The following SNTG1 variants were observed in gnomAD, a reference collection of about 807,000 sequenced individuals.
SNTG1 encodes syntrophin gamma 1, also known as gamma-1-syntrophin.
A neutral mutation model predicts 74.7 loss-of-function variants in SNTG1; 39 were observed. That is an observed-to-expected ratio of 0.52 (90% CI 0.40 to 0.68). The LOEUF (loss-of-function observed/expected upper bound fraction) is 0.68, where lower values mean the gene tolerates loss of function less well. Ranked by LOEUF, SNTG1 falls within the 30% of genes least tolerant of loss-of-function variation. The pLI, the probability that SNTG1 is intolerant of heterozygous loss-of-function variation, is 0.00. For missense variants in SNTG1, 685 were observed against 609.5 expected, an observed-to-expected ratio of 1.12 and a Z score of -1.30; for synonymous variants, 254 against 217.1, an observed-to-expected ratio of 1.17 and a Z score of -1.49.
intron 1 of SNTG1, among the ~76,000 whole-genome samples, chr8:50,128,191 G>C (rs1034207217): frequency 7.9e-5 from 12 of 152,110 alleles, no homozygotes; most frequent in African/African-American, 2.9e-4. Flanking sequence ...CTTATCCCAA[G>C]ATCGGTACTT....
chr8:50,577,034 T>C (rs1005461776), intron 12 of SNTG1, among the ~76,000 whole-genome samples: 3 of 152,198 alleles, frequency 2.0e-5, no homozygotes, highest in African/African-American at 7.2e-5. Flanking sequence ...TTGTTCCTGA[T>C]CACATAGGAA....
chr8:50,525,149 T>A (rs2094209964), intron 9 of SNTG1, among the ~76,000 whole-genome samples: 1 of 152,138 alleles, frequency 6.6e-6, no homozygotes. Context: ...CTGGGTATGG[T>A]ATTCTAGATT....
intron 1 of SNTG1, among the ~76,000 whole-genome samples, chr8:50,021,247 A>C (rs558580742): frequency 6.6e-6 from 1 of 152,152 alleles, no homozygotes; most frequent in Non-Finnish European, 1.5e-5. Context: ...ATCTTCCAAC[A>C]TGACTTCCTC....
At chr8:50,753,567 T>C (rs370651024) in intron 18 of SNTG1, among the ~76,000 whole-genome samples, 3 of 152,076 alleles carry the variant, frequency 2.0e-5, no homozygotes, top group East Asian at 3.9e-4. Flanking sequence ...TAATGGCTAC[T>C]AACTATGGTA....
intron 13 of SNTG1, among the ~76,000 whole-genome samples, chr8:50,639,128 A>T (rs1460318577): frequency 6.6e-6 from 1 of 152,038 alleles, no homozygotes; most frequent in Non-Finnish European, 1.5e-5. Context: ...AGTAAAAACT[A>T]AGAATAAAAT....
chr8:50,272,940 C>T (rs1011680), intron 2 of SNTG1, among the ~76,000 whole-genome samples: 95,829 of 150,748 alleles, frequency 0.64, 34,180 homozygotes, highest in East Asian at 0.88. Flanking sequence ...GACAGAGTCT[C>T]GCTATATTAC....
chr8:50,031,797 C>G (rs566917150), intron 1 of SNTG1, among the ~76,000 whole-genome samples: 5 of 151,972 alleles, frequency 3.3e-5, no homozygotes, highest in African/African-American at 1.2e-4. Context: ...TATGTACTTT[C>G]TTCGGTTTTG....
At chr8:50,147,423 G>T (rs1435480251) in intron 1 of SNTG1, among the ~76,000 whole-genome samples, 2 of 152,156 alleles carry the variant, frequency 1.3e-5, no homozygotes. Context: ...TAGAATTAAA[G>T]AATTAATCAC....
At position 50,404,945 on chromosome 8, in the gene SNTG1, G is replaced by A. The variant is rs562124360; in HGVS notation, c.162+2601G>A. 3.9e-5 allele frequency among the ~76,000 whole-genome samples: 6 copies of A among 152,130 alleles called. No individual in the cohort carries two copies. In the South Asian group the frequency reaches 1.0e-3, roughly 26 times the overall value. ...GATGACTTATTTCAATTATCATAAT[G>A]ACTTTAAGGATCATCCATGTTGAAG... is the stretch of plus-strand genomic sequence containing the variant. On this transcript the variant is annotated intron_variant, in intron 4 of 18. Transcript: ENST00000642720.
At chr8:50,160,209 G>A (rs1389837944) in intron 1 of SNTG1, among the ~76,000 whole-genome samples, 1 of 152,130 alleles carries the variant, frequency 6.6e-6, no homozygotes, top group African/African-American at 2.4e-5. Context: ...ACTATTTCTA[G>A]ATAATACTCA....
chr8:50,542,402 C>A (rs1291040786), intron 11 of SNTG1, among the ~76,000 whole-genome samples: 2 of 151,924 alleles, frequency 1.3e-5, no homozygotes, highest in African/African-American at 4.8e-5. Context: ...AGTGATCCAC[C>A]CGCCTCGGCC....
At chr8:50,175,961 C>G (rs1180651858) in intron 2 of SNTG1, among the ~76,000 whole-genome samples, 1 of 152,098 alleles carries the variant, frequency 6.6e-6, no homozygotes, top group African/African-American at 2.4e-5. Flanking sequence ...CATGAGGAAC[C>G]CTGAGAGCCT....
chr8:50,491,410 TGGATAAA>T (rs1028223118), intron 8 of SNTG1: 3 of 152,326 alleles, frequency 2.0e-5, no homozygotes, highest in African/African-American at 7.2e-5. Context: ...TTGATGGATA[TGGATAAA>T]GGGGAAACCA....
At chr8:50,707,973 C>A (rs989425018) in intron 16 of SNTG1, 5 of 373,442 alleles carry the variant, frequency 1.3e-5, no homozygotes, top group African/African-American at 1.0e-4. Context: ...GAGGCCGAGG[C>A]GGGTGGATCA....
chr8:50,317,994 G>A (rs1377190066), intron 2 of SNTG1, among the ~76,000 whole-genome samples: 2 of 152,102 alleles, frequency 1.3e-5, no homozygotes, highest in East Asian at 3.9e-4. Context: ...TCGCCACCAC[G>A]CCCGGCTAAT....
At chr8:50,604,353 T>A (rs2130947788) in intron 13 of SNTG1, among the ~76,000 whole-genome samples, 1 of 151,726 alleles carries the variant, frequency 6.6e-6, no homozygotes, top group East Asian at 2.0e-4. Context: ...CAGGTGGAGG[T>A]TGCAGTGAGC....
chr8:49,961,341 C>CAT (rs1200848274), intron 1 of SNTG1, among the ~76,000 whole-genome samples: 65 of 152,284 alleles, frequency 4.3e-4, no homozygotes, highest in African/African-American at 1.5e-3. Context: ...CACCATCAGC[C>CAT]ATAGGCCCAG....
At chr8:50,599,215 T>C (rs1397820895) in intron 13 of SNTG1, among the ~76,000 whole-genome samples, 1 of 152,094 alleles carries the variant, frequency 6.6e-6, no homozygotes, top group African/African-American at 2.4e-5. Flanking sequence ...TCTGTTCCAA[T>C]GATCTGTGTG....
intron 17 of SNTG1, among the ~76,000 whole-genome samples, chr8:50,713,589 CTGGA>C (rs1188198646): frequency 6.6e-6 from 1 of 152,098 alleles, no homozygotes; most frequent in African/African-American, 2.4e-5. Flanking sequence ...TGTCTGCGTC[CTGGA>C]TGGAATTGCC....
Sources: allele counts gnomAD v4.1 joint callset (sites outside exome capture counted in the v4.1 genomes callset), GRCh38; gene constraint gnomAD v4.1.1; transcripts MANE v1.5; gene names NCBI Gene and HGNC (gene_info 2026-07-23, HGNC 2026-07-21).